The following SCAPER variants were observed in gnomAD, a reference collection of about 807,000 sequenced individuals.
SCAPER encodes S-phase cyclin A associated protein in the ER, also known as S phase cyclin A-associated protein in the endoplasmic reticulum.
SCAPER carries 98 observed loss-of-function variants against 182.2 expected under a neutral mutation model. The observed-to-expected ratio is 0.54, with a 90% confidence interval of 0.46 to 0.64. The LOEUF (loss-of-function observed/expected upper bound fraction) is 0.64. Ranked by LOEUF, SCAPER falls within the 30% of genes least tolerant of loss-of-function variation. The pLI is 0.00. For synonymous variants in SCAPER, 605 were observed against 564.6 expected (o/e 1.07, Z -1.01); for missense variants, 1,432 against 1,690.0 (o/e 0.85, Z 2.68).
chr15:76,578,863 CA>C (rs1156554646), intron 22 of SCAPER, among the ~76,000 whole-genome samples: 1 of 152,162 alleles, frequency 6.6e-6, no homozygotes, highest in East Asian at 1.9e-4. Flanking sequence ...AATAAGACAC[CA>C]GGGACCAATC....
At chr15:76,520,698 A>G (rs945818907) in intron 23 of SCAPER, among the ~76,000 whole-genome samples, 4 of 152,210 alleles carry the variant, frequency 2.6e-5, no homozygotes, top group African/African-American at 9.7e-5. Context: ...CATGAGGTTG[A>G]TACAATTACT....
At chr15:76,470,018 C>A (rs141614429) in intron 25 of SCAPER, among the ~76,000 whole-genome samples, 100 of 152,104 alleles carry the variant, frequency 6.6e-4, no homozygotes, top group African/African-American at 2.2e-3. Context: ...TTGTACTGTG[C>A]AACAGTTCCA....
chr15:76,717,127 CA>C (rs962549864), intron 17 of SCAPER, among the ~76,000 whole-genome samples: 4 of 109,680 alleles, frequency 3.6e-5, no homozygotes, highest in Non-Finnish European at 7.2e-5. Context: ...ATGACATATT[CA>C]AAATGATGAA....
At chr15:76,417,274 G>C (rs1341379425) in intron 26 of SCAPER, among the ~76,000 whole-genome samples, 1 of 152,038 alleles carries the variant, frequency 6.6e-6, no homozygotes, top group Non-Finnish European at 1.5e-5. Context: ...AATTATTTTT[G>C]TCATTGAGCA....
intron 24 of SCAPER, among the ~76,000 whole-genome samples, chr15:76,493,516 G>A (rs2052535515): frequency 1.3e-5 from 2 of 152,146 alleles, no homozygotes; most frequent in Non-Finnish European, 2.9e-5. Flanking sequence ...CTGAGAAAGT[G>A]TTATGTTTCA....
rs986964075 is a variant in SCAPER at position 76,857,674 on chromosome 15, G to GT, written c.195+134dup. On this transcript the variant is annotated intron_variant, in intron 4 of 31. Coordinates refer to ENST00000563290, the MANE Select transcript of SCAPER (RefSeq NM_020843.4). ...CACACTGATTACCATATACACATTTGTTTTTAAAAAGTACATTAAATTTTT... is the reference window on the plus strand; with the variant it reads ...CACACTGATTACCATATACACATTTGTTTTTTAAAAAGTACATTAAATTTTT... 7 of 613,984 alleles carry GT rather than the reference G, an allele frequency of 1.1e-5. No homozygotes were observed. The Admixed American group carries it at 1.6e-4, about 14-fold the overall frequency. The allele number at this position is 613,984 out of a possible 1,614,324, so 38.0% of individuals were successfully genotyped here.
chr15:76,747,618 C>A (rs2061864183), intron 15 of SCAPER, among the ~76,000 whole-genome samples: 1 of 152,066 alleles, frequency 6.6e-6, no homozygotes, highest in African/African-American at 2.4e-5. Flanking sequence ...TAGATTAATG[C>A]CCTCAGGGGA....
chr15:76,773,780 G>T (rs887916929), intron 9 of SCAPER, among the ~76,000 whole-genome samples: 3 of 151,652 alleles, frequency 2.0e-5, no homozygotes, highest in Non-Finnish European at 3.0e-5. Context: ...AAAAGAGAAA[G>T]AATTTTAAAA....
At chr15:76,472,447 T>C (rs11072598) in intron 24 of SCAPER, 180,841 of 535,920 alleles carry the variant, frequency 0.34, 34,139 homozygotes, top group East Asian at 0.57. Context: ...TTTATAAAAA[T>C]GCAAAATTTG....
At chr15:76,420,235 C>CT (rs71143323) in intron 26 of SCAPER, among the ~76,000 whole-genome samples, 43,131 of 116,874 alleles carry the variant, frequency 0.37, 8,391 homozygotes, top group East Asian at 0.57. Flanking sequence ...ATGTTTTTTC[C>CT]TTTTTTTTTT....
chr15:76,354,022 C>T lies in SCAPER; in HGVS notation c.3974G>A (p.Cys1325Tyr). ...GATCTTGTTCTGATGGTTGTTGTAA[C>T]AAGCAGCGATAAGTGAAGGGAACAG... ...KVLFPSLIAA[C>Y]YNNHQNKIIL... The change falls in exon 30 of 32, where the codon TGT becomes TAT. Residue 1325 changes from cysteine (C) to tyrosine (Y), a missense_variant. Cys to Tyr is a radical substitution (Grantham distance 194). Transcript: ENST00000563290. The surrounding 1 kb of genome is among the most constrained non-coding windows in gnomAD (Gnocchi z 4.4). 1 of 1,607,202 alleles carries T rather than the reference C, an allele frequency of 6.2e-7. No homozygotes were observed. The highest frequency in any genetic ancestry group is 8.5e-7 in the Non-Finnish European group (1 of 1,178,048).
rs1491513286 is a variant in SCAPER, at chr15:76,726,155, A to ATATATATATATATATATAT, written c.2165+2439_2165+2440insATATATATATATATATATA. Among the ~76,000 whole-genome samples the ATATATATATATATATATAT allele has an allele frequency of 4.4e-4, 43 of 97,292 alleles. 9 individuals carry two copies. Among genetic ancestry groups the ATATATATATATATATATAT allele is most frequent in the African/African-American group, 6.6e-4 (16 of 24,246 alleles). 63.8% of individuals were successfully genotyped at this position (97,292 alleles called of 152,430 possible). A position where few individuals can be genotyped will look rare whatever the true frequency, so the allele number is the denominator to read the frequency against. On this transcript the variant is annotated intron_variant, in intron 17 of 31. Coordinates refer to ENST00000563290, the MANE Select transcript of SCAPER (RefSeq NM_020843.4). ...TATATATATATATATATATATATAT[A>ATATATATATATATATATAT]AAAAACTCTATAACCCAACAAGAAA... is the stretch of plus-strand genomic sequence containing the variant.
At chr15:76,895,172 A>G (rs1174416595) in intron 1 of SCAPER, among the ~76,000 whole-genome samples, 1 of 152,240 alleles carries the variant, frequency 6.6e-6, no homozygotes, top group East Asian at 1.9e-4. Context: ...TATTGAAAGC[A>G]TCATACACTA....
chr15:76,810,045 A>T (rs2066472755), intron 5 of SCAPER, among the ~76,000 whole-genome samples: 1 of 152,200 alleles, frequency 6.6e-6, no homozygotes, highest in South Asian at 2.1e-4. Flanking sequence ...AAGACTTCCA[A>T]AGACAAACAA....
At chr15:76,555,427 G>A (rs1464893588) in intron 23 of SCAPER, among the ~76,000 whole-genome samples, 1 of 152,060 alleles carries the variant, frequency 6.6e-6, no homozygotes, top group Non-Finnish European at 1.5e-5. Flanking sequence ...CAATTAAAAG[G>A]CATAGAGTGG....
At chr15:76,687,403 T>G (rs2058090346) in intron 20 of SCAPER, among the ~76,000 whole-genome samples, 1 of 152,088 alleles carries the variant, frequency 6.6e-6, no homozygotes, top group South Asian at 2.1e-4. Context: ...AAGTAAAAAT[T>G]AAAAATCAAA....
chr15:76,646,846 T>C lies in SCAPER; in HGVS notation c.2645+18807A>G, dbSNP rs547054253. Among the ~76,000 whole-genome samples, 217 of 152,320 alleles carry C rather than the reference T, an allele frequency of 1.4e-3. 1 individual carries two copies. Among genetic ancestry groups the C allele is most frequent in the Admixed American group, 5.2e-3 (80 of 15,302 alleles). Reference sequence around the variant, plus strand: ...GTTCTGGCTTTGCCTGTAGAACATTTCCCTCATCCCACTGCTTGGAGAAAA... The same window carrying C: ...GTTCTGGCTTTGCCTGTAGAACATTCCCCTCATCCCACTGCTTGGAGAAAA... On this transcript the variant is annotated intron_variant, in intron 21 of 31. Coordinates refer to ENST00000563290, the MANE Select transcript of SCAPER (RefSeq NM_020843.4).
chr15:76,658,473 T>C (rs1269471874), intron 21 of SCAPER, among the ~76,000 whole-genome samples: 1 of 152,276 alleles, frequency 6.6e-6, no homozygotes, highest in African/African-American at 2.4e-5. Flanking sequence ...ATTGTTAACA[T>C]GGCCATACTG....
chr15:76,862,532 G>A lies in SCAPER; in HGVS notation c.8C>T (p.Ala3Val). 6.3e-7 allele frequency: 1 copy of A among 1,584,548 alleles called. No individual in the cohort carries two copies. Among genetic ancestry groups the A allele is most frequent in the South Asian group, 1.1e-5 (1 of 89,858 alleles). Reference protein sequence around the residue: MMASFQRSNSHDK... With the variant: MMVSFQRSNSHDK... ...ATGACTATTGGAGCGCTGGAATGAA[G>A]CCTATGTATGGAAAAGATGGTACTT... The change falls in exon 3 of 32, where the codon GCT becomes GTT. Residue 3 changes from alanine (A) to valine (V), a missense_variant and splice_region_variant. Around this residue, in one of 5 missense-constraint regions of SCAPER, gnomAD observed 480 missense variants for 510.2 expected, o/e 0.94. Coordinates refer to ENST00000563290, the MANE Select transcript of SCAPER (RefSeq NM_020843.4).
Sources: allele counts gnomAD v4.1 joint callset (sites outside exome capture counted in the v4.1 genomes callset), GRCh38; gene constraint gnomAD v4.1.1; regional missense constraint gnomAD v4.1.1; non-coding constraint Gnocchi (gnomAD v3.1); transcripts MANE v1.5; gene names NCBI Gene and HGNC (gene_info 2026-07-23, HGNC 2026-07-21).